The following NEGR1 variants were observed in gnomAD, a reference collection of about 807,000 sequenced individuals.
The protein encoded by NEGR1 is IgLON family member 4.
In NEGR1, 10 loss-of-function variants were observed where a neutral mutation model predicts 40.9. The observed-to-expected ratio is 0.24, with a 90% CI of 0.15 to 0.42. The LOEUF is 0.42. Among genes scored for constraint, NEGR1 ranks in the 10% least tolerant of loss-of-function variants. The probability of loss-of-function intolerance (pLI) is 1.00; values close to 1 mark genes in which losing one functional copy is unlikely to be tolerated. For missense variants in NEGR1, 352 were observed against 438.9 expected (o/e 0.80, Z 1.77); for synonymous variants, 185 against 166.8 (o/e 1.11, Z -0.84).
intron 6 of NEGR1, among the ~76,000 whole-genome samples, chr1:71,498,022 CA>C (rs1168068077): frequency 1.3e-5 from 2 of 151,894 alleles, no homozygotes; most frequent in East Asian, 3.9e-4. Flanking sequence ...TGCATATCAC[CA>C]AAAACTCAAC....
At position 72,181,295 on chromosome 1, in the gene NEGR1, G is replaced by A. The variant is rs148750267; in HGVS notation, c.176+101024C>T. On this transcript the variant is annotated intron_variant, in intron 1 of 6. Coordinates refer to ENST00000357731, the MANE Select transcript of NEGR1 (RefSeq NM_173808.3). ...AGCACAAGATAAGGTTGGGCAGAAT[G>A]CTGCTAGAGAGGACAACCTGGATGG... 7.7e-3 allele frequency among the ~76,000 whole-genome samples: 1,174 copies of A among 152,216 alleles called. 11 individuals are homozygous for A. Among genetic ancestry groups the A allele is most frequent in the African/African-American group, 0.026 (1,080 of 41,536 alleles).
intron 1 of NEGR1, among the ~76,000 whole-genome samples, chr1:72,079,934 C>T (rs1397130050): frequency 1.3e-5 from 2 of 151,920 alleles, no homozygotes; most frequent in Admixed American, 6.6e-5. Flanking sequence ...TAACAGAATC[C>T]GAGATTATAT....
At chr1:71,474,734 A>AC (rs1646808948) in intron 6 of NEGR1, among the ~76,000 whole-genome samples, 2 of 148,216 alleles carry the variant, frequency 1.3e-5, no homozygotes, top group East Asian at 2.0e-4. Context: ...AAAAAAAAAA[A>AC]AAAACAAAAA....
At chr1:71,978,099 CT>C (rs34852869) in intron 1 of NEGR1, among the ~76,000 whole-genome samples, 42,033 of 151,702 alleles carry the variant, frequency 0.28, 6,228 homozygotes, top group African/African-American at 0.38. Context: ...TCTCTAGAGT[CT>C]TTTTTTTGTG....
At chr1:71,750,311 C>T (rs12023733) in intron 3 of NEGR1, among the ~76,000 whole-genome samples, 4 of 152,046 alleles carry the variant, frequency 2.6e-5, no homozygotes, top group African/African-American at 9.7e-5. Context: ...TTCTTTTGGA[C>T]GATAAGCCAC....
At chr1:71,513,793 T>G (rs28370477) in intron 6 of NEGR1, among the ~76,000 whole-genome samples, 5,996 of 151,500 alleles carry the variant, frequency 0.04, 377 homozygotes, top group African/African-American at 0.14. Context: ...GGGTGATTTC[T>G]GCATTTCCAT....
intron 6 of NEGR1, among the ~76,000 whole-genome samples, chr1:71,507,298 T>C (rs1647042053): frequency 6.6e-6 from 1 of 152,144 alleles, no homozygotes; most frequent in Non-Finnish European, 1.5e-5. Context: ...GAAGGAAGAA[T>C]TAGACAGGAT....
chr1:71,830,859 C>T (rs542011563), intron 2 of NEGR1, among the ~76,000 whole-genome samples: 17 of 151,580 alleles, frequency 1.1e-4, no homozygotes, highest in Admixed American at 4.0e-4. Context: ...ATTTATCACA[C>T]GCAATACATA....
At chr1:72,032,142 C>T (rs1278460754) in intron 1 of NEGR1, among the ~76,000 whole-genome samples, 2 of 152,176 alleles carry the variant, frequency 1.3e-5, no homozygotes, top group African/African-American at 4.8e-5. Flanking sequence ...TGGAAGATGA[C>T]TTACTTCTCA....
intron 6 of NEGR1, among the ~76,000 whole-genome samples, chr1:71,495,454 GCAATAGAGTGAGACTC>G: frequency 6.7e-6 from 1 of 150,268 alleles, no homozygotes; most frequent in East Asian, 2.0e-4. Context: ...TCCAGCCTGG[GCAATAGAGTGAGACTC>G]CATCTCGGAA....
At position 71,940,001 on chromosome 1, in the gene NEGR1, T is replaced by G. The variant is rs150433468; in HGVS notation, c.177-4690A>C. 2.4e-3 allele frequency among the ~76,000 whole-genome samples: 363 copies of G among 152,224 alleles called. 1 individual carries two copies. Among genetic ancestry groups the G allele is most frequent in the Middle Eastern group, 0.02 (6 of 294 alleles). On this transcript the variant is annotated intron_variant, in intron 1 of 6. Coordinates refer to ENST00000357731, the MANE Select transcript of NEGR1 (RefSeq NM_173808.3). ...TAACCACAGTGACAGACTATGCTAG[T>G]ATTTTTAGAGTCAGGCAGCAGCAAG...
chr1:72,093,918 G>A (rs193263284), intron 1 of NEGR1, among the ~76,000 whole-genome samples: 2 of 152,290 alleles, frequency 1.3e-5, no homozygotes, highest in East Asian at 3.9e-4. Context: ...AATCACAGAT[G>A]TGATTAATTC....
intron 1 of NEGR1, among the ~76,000 whole-genome samples, chr1:72,139,529 C>A (rs1650593787): frequency 6.6e-6 from 1 of 151,916 alleles, no homozygotes. Flanking sequence ...ACAAATTTAA[C>A]AAGTTTGATG....
intron 3 of NEGR1, among the ~76,000 whole-genome samples, chr1:71,766,829 G>C (rs1193562568): frequency 6.6e-6 from 1 of 152,086 alleles, no homozygotes; most frequent in East Asian, 1.9e-4. Flanking sequence ...TCTTGTGAGA[G>C]AGTTCTCATG....
intron 1 of NEGR1, among the ~76,000 whole-genome samples, chr1:72,064,092 T>A (rs1278692724): frequency 6.6e-6 from 1 of 151,994 alleles, no homozygotes; most frequent in Non-Finnish European, 1.5e-5. Context: ...AACTTTCTTC[T>A]TGCATTTGTT....
chr1:71,593,983 G>T (rs1166059691), intron 5 of NEGR1, among the ~76,000 whole-genome samples: 1 of 152,022 alleles, frequency 6.6e-6, no homozygotes, highest in Non-Finnish European at 1.5e-5. Flanking sequence ...TTCCTCAAAA[G>T]GAAAGGCTAA....
intron 1 of NEGR1, among the ~76,000 whole-genome samples, chr1:71,979,129 T>C (rs1487948981): frequency 6.6e-6 from 1 of 152,184 alleles, no homozygotes; most frequent in Admixed American, 6.5e-5. Flanking sequence ...TACTGCATGT[T>C]CTCACTTATA....
chr1:71,646,233 C>T (rs909302507), intron 4 of NEGR1, among the ~76,000 whole-genome samples: 3 of 151,258 alleles, frequency 2.0e-5, no homozygotes, highest in African/African-American at 7.3e-5. Context: ...CATATATATA[C>T]ATTCATATAC....
At chr1:71,530,281 A>G (rs2101442762) in intron 6 of NEGR1, among the ~76,000 whole-genome samples, 1 of 151,528 alleles carries the variant, frequency 6.6e-6, no homozygotes, top group South Asian at 2.1e-4. Context: ...TTTGTTTGAA[A>G]CAACTGGAAC....
Sources: allele counts gnomAD v4.1 joint callset (sites outside exome capture counted in the v4.1 genomes callset), GRCh38; gene constraint gnomAD v4.1.1; transcripts MANE v1.5; gene names NCBI Gene and HGNC (gene_info 2026-07-23, HGNC 2026-07-21).